NAV3: variants seen among roughly 807,000 people sequenced by gnomAD.
The protein encoded by NAV3 is neuron navigator 3, also known as pore membrane and/or filament interacting like protein 1.
Under a neutral mutation model 244.7 loss-of-function variants are expected in NAV3, and 87 were observed. The ratio of observed to expected loss-of-function variants is 0.36; its 90% CI spans 0.30 to 0.42. NAV3 has a LOEUF of 0.42. NAV3 is among the 20% of genes least tolerant of loss of function. NAV3 has a pLI of 1.00. For synonymous variants in NAV3, 1,126 were observed against 1,042.2 expected (o/e 1.08, Z -1.55); for missense variants, 2,663 against 2,893.3 (o/e 0.92, Z 1.83).
At chr12:78,124,629 T>C (rs532960066) in intron 16 of NAV3, among the ~76,000 whole-genome samples, 1 of 152,112 alleles carries the variant, frequency 6.6e-6, no homozygotes, top group African/African-American at 2.4e-5. Flanking sequence ...AATTTTTGTA[T>C]TTTTTGTAGA....
intron 18 of NAV3, among the ~76,000 whole-genome samples, chr12:78,132,009 A>G (rs1002618529): frequency 6.6e-6 from 1 of 152,172 alleles, no homozygotes; most frequent in Non-Finnish European, 1.5e-5. Flanking sequence ...TTTGAAGTAC[A>G]AAACTATGAC....
intron 38 of NAV3, 55 bp downstream of exon 38, chr12:78,200,646 ATTACT>A: frequency 1.8e-6 from 2 of 1,113,722 alleles, no homozygotes; most frequent in Non-Finnish European, 1.2e-6. Flanking sequence ...AGCAAAAAAA[ATTACT>A]TTAAAAGCAA....
intron 2 of NAV3, among the ~76,000 whole-genome samples, chr12:77,791,354 CAAAA>C (rs5799345): frequency 3.6e-5 from 5 of 138,556 alleles, no homozygotes; most frequent in Admixed American, 7.2e-5. Context: ...AACTCCATCT[CAAAA>C]AAAAAAAAAA....
intron 23 of NAV3, among the ~76,000 whole-genome samples, chr12:78,161,121 G>A (rs2139430286): frequency 6.6e-6 from 1 of 152,166 alleles, no homozygotes; most frequent in East Asian, 1.9e-4. Context: ...GGCTATGTCT[G>A]TTAAAAGCTG....
chr12:78,101,518 T>A (rs117259995), intron 12 of NAV3, among the ~76,000 whole-genome samples: 1 of 152,266 alleles, frequency 6.6e-6, no homozygotes, highest in East Asian at 1.9e-4. Context: ...TAACATAAAA[T>A]CATTTTAGTA....
intron 12 of NAV3, among the ~76,000 whole-genome samples, chr12:78,082,187 G>A (rs1953390587): frequency 6.6e-6 from 1 of 152,166 alleles, no homozygotes; most frequent in Non-Finnish European, 1.5e-5. Flanking sequence ...CCATGATTGT[G>A]AGGCCTCCCC....
chr12:78,136,127 T>C (rs1392800342), intron 18 of NAV3, among the ~76,000 whole-genome samples: 1 of 152,186 alleles, frequency 6.6e-6, no homozygotes, highest in Non-Finnish European at 1.5e-5. Flanking sequence ...TTAGTGCCTG[T>C]GTCACAGAAA....
rs181951000 is a variant in NAV3, at chr12:77,632,788, A to G, written c.72+60522A>G. Among the ~76,000 whole-genome samples the G allele has an allele frequency of 2.0e-5, 3 of 152,268 alleles. No individual in the cohort carries two copies. The East Asian group carries it at 5.8e-4, about 29-fold the overall frequency. ...TTTTGTCTTTTTTCTTATTCTATCA[A>G]TTTATATGTATATTGATTTTTAAAT... On this transcript the variant is annotated intron_variant, in intron 2 of 8. Coordinates refer to the NAV3 transcript ENST00000550042.
At chr12:78,168,274 A>T (rs1165546767) in intron 23 of NAV3, among the ~76,000 whole-genome samples, 1 of 151,820 alleles carries the variant, frequency 6.6e-6, no homozygotes, top group Non-Finnish European at 1.5e-5. Context: ...TTAAATACAA[A>T]TAATCAATTT....
At chr12:78,058,367 C>A (rs1883825850) in intron 11 of NAV3, among the ~76,000 whole-genome samples, 1 of 152,132 alleles carries the variant, frequency 6.6e-6, no homozygotes, top group Non-Finnish European at 1.5e-5. Context: ...TTTATAAAAC[C>A]ATCAGATCTC....
intron 2 of NAV3, among the ~76,000 whole-genome samples, chr12:77,727,487 C>A (rs986787164): frequency 1.3e-5 from 2 of 151,258 alleles, no homozygotes; most frequent in Non-Finnish European, 2.9e-5. Flanking sequence ...TAGAATATTA[C>A]CAAGTCAAGG....
chr12:77,982,682 G>A (rs190570206), intron 5 of NAV3, among the ~76,000 whole-genome samples: 55 of 152,298 alleles, frequency 3.6e-4, no homozygotes, highest in Non-Finnish European at 6.9e-4. Context: ...GATTTTGTAA[G>A]CCAAAGAATC....
intron 2 of NAV3, among the ~76,000 whole-genome samples, chr12:77,605,518 G>A (rs534133212): frequency 5.9e-5 from 9 of 152,222 alleles, no homozygotes; most frequent in Admixed American, 2.0e-4. Flanking sequence ...ACACATTAAT[G>A]TGTGTTGGAA....
intron 2 of NAV3, among the ~76,000 whole-genome samples, chr12:77,599,307 A>G (rs1302212669): frequency 6.6e-6 from 1 of 152,048 alleles, no homozygotes; most frequent in Non-Finnish European, 1.5e-5. Context: ...ATTCAATTGT[A>G]TCTTCAAGGA....
intron 2 of NAV3, among the ~76,000 whole-genome samples, chr12:77,803,502 C>T (rs1340710710): frequency 6.6e-6 from 1 of 152,110 alleles, no homozygotes; most frequent in African/African-American, 2.4e-5. Flanking sequence ...GTATATGGGC[C>T]ACATTTTCTT....
intron 1 of NAV3, among the ~76,000 whole-genome samples, chr12:77,866,422 G>T (rs1880036703): frequency 6.6e-6 from 1 of 152,110 alleles, no homozygotes; most frequent in Non-Finnish European, 1.5e-5. Context: ...GACTCCAGAG[G>T]CCCCCTGGTC....
At chr12:77,709,207 G>T (rs953462172) in intron 2 of NAV3, among the ~76,000 whole-genome samples, 3 of 152,158 alleles carry the variant, frequency 2.0e-5, no homozygotes, top group Non-Finnish European at 4.4e-5. Context: ...AAAACCACAT[G>T]ATTATCTCAA....
chr12:77,941,769 A>G (rs987231692), intron 3 of NAV3, among the ~76,000 whole-genome samples: 2 of 152,192 alleles, frequency 1.3e-5, no homozygotes, highest in African/African-American at 4.8e-5. Context: ...ATGTTTCTTA[A>G]TTAAAAAGCC....
intron 2 of NAV3, among the ~76,000 whole-genome samples, chr12:77,591,051 A>G (rs1340483643): frequency 1.3e-5 from 2 of 152,212 alleles, no homozygotes; most frequent in Non-Finnish European, 2.9e-5. Flanking sequence ...TCACCAAATT[A>G]GTTTCCCTGA....
Sources: gnomAD v4.1 joint callset for allele counts (sites outside exome capture counted in the v4.1 genomes callset) on GRCh38, gnomAD v4.1.1 for gene constraint, MANE v1.5 for transcripts, NCBI Gene and HGNC (gene_info 2026-07-23, HGNC 2026-07-21) for gene names.